ZNF532: variants seen among roughly 807,000 people sequenced by gnomAD.
ZNF532 encodes zinc finger protein 532.
A neutral mutation model predicts 89.3 loss-of-function variants in ZNF532; 22 were observed. The ratio of observed to expected loss-of-function variants is 0.25; its 90% CI spans 0.18 to 0.35. ZNF532 has a LOEUF of 0.35. Ranked by LOEUF, ZNF532 falls within the 10% of genes least tolerant of loss-of-function variation. The pLI, the probability that ZNF532 is intolerant of heterozygous loss-of-function variation, is 1.00. For missense variants in ZNF532, 1,132 were observed against 1,643.4 expected (o/e 0.69, Z 5.38); for synonymous variants, 606 against 649.6 (o/e 0.93, Z 1.02).
At chr18:58,955,118 ATGGTGGC>A (rs1568415356) in intron 7 of ZNF532, among the ~76,000 whole-genome samples, 1 of 152,188 alleles carries the variant, frequency 6.6e-6, no homozygotes. Flanking sequence ...TCAGCTGGGC[ATGGTGGC>A]TCATGCCTAT....
At chr18:58,944,848 G>A (rs1463133301) in intron 5 of ZNF532, among the ~76,000 whole-genome samples, 1 of 152,142 alleles carries the variant, frequency 6.6e-6, no homozygotes, top group Non-Finnish European at 1.5e-5. Flanking sequence ...CAGATTCCTC[G>A]GTTGTTAGCG....
chr18:58,983,279 G>A (rs1036407742), intron 9 of ZNF532, among the ~76,000 whole-genome samples: 2 of 152,146 alleles, frequency 1.3e-5, no homozygotes, highest in Non-Finnish European at 2.9e-5. Context: ...GACGCAGTAG[G>A]GGAAATGGTG....
At chr18:58,914,464 G>T (rs1311189193) in intron 2 of ZNF532, among the ~76,000 whole-genome samples, 2 of 152,190 alleles carry the variant, frequency 1.3e-5, no homozygotes, top group African/African-American at 4.8e-5. Flanking sequence ...GGCGGATCAC[G>T]AGGTCAGGAG....
At chr18:58,942,583 G>C (rs1243003748) in intron 5 of ZNF532, among the ~76,000 whole-genome samples, 1 of 152,104 alleles carries the variant, frequency 6.6e-6, no homozygotes, top group Non-Finnish European at 1.5e-5. Flanking sequence ...CTGTGGCAAT[G>C]ACGGCTGCTG....
chr18:58,957,650 T>C (rs1018360101), intron 7 of ZNF532, among the ~76,000 whole-genome samples: 2 of 152,126 alleles, frequency 1.3e-5, no homozygotes, highest in Non-Finnish European at 2.9e-5. Flanking sequence ...TTTGGTTTCA[T>C]TAATTGTTTT....
At chr18:58,964,849 C>T (rs1028296137) in intron 7 of ZNF532, among the ~76,000 whole-genome samples, 22 of 151,644 alleles carry the variant, frequency 1.5e-4, no homozygotes, top group African/African-American at 5.3e-4. Context: ...TCAAGTGATC[C>T]TCCAGCCTTG....
rs777310864 is a variant in ZNF532 at position 58,919,331 on chromosome 18, G to A, written c.1044G>A (p.Pro348=). ...ISSENSSKGS[P]SSPAGSTPAI... The stretch of plus-strand genomic sequence containing the variant: ...GTGAGAACAGCAGCAAAGGATCCCC[G>A]TCCTCTCCCGCAGGGTCCACACCAG... Residue 348 remains proline, a synonymous_variant, in exon 3 of 10, where the codon CCG becomes CCA. Coordinates refer to ENST00000591808, the MANE Select transcript of ZNF532 (RefSeq NM_001375912.1). The surrounding 1 kb of genome is among the most constrained non-coding windows in gnomAD (Gnocchi z 6.1). The A allele has an allele frequency of 6.8e-6, 11 of 1,613,992 alleles. No homozygotes were observed. The highest frequency in any genetic ancestry group is 6.7e-5 in the African/African-American group (5 of 74,900).
chr18:58,966,042 G>A (rs2065887513), intron 7 of ZNF532, among the ~76,000 whole-genome samples: 1 of 152,162 alleles, frequency 6.6e-6, no homozygotes, highest in Admixed American at 6.5e-5. Flanking sequence ...AAGTGGGTAG[G>A]ACCTGGGTAG....
At chr18:58,906,749 C>T (rs564700459) in intron 2 of ZNF532, among the ~76,000 whole-genome samples, 1 of 152,260 alleles carries the variant, frequency 6.6e-6, no homozygotes, top group Admixed American at 6.5e-5. Flanking sequence ...CAAGCTAATA[C>T]AAAATTATTA....
intron 5 of ZNF532, 83 bp from the exon 6 acceptor site, chr18:58,947,984 C>T: frequency 1.5e-5 from 20 of 1,378,360 alleles, no homozygotes; most frequent in Non-Finnish European, 1.8e-5. Context: ...CCTCTGCCTC[C>T]CAAGTTCTTC....
At chr18:58,874,889 T>TG (rs973877471) in intron 2 of ZNF532, among the ~76,000 whole-genome samples, 14 of 152,310 alleles carry the variant, frequency 9.2e-5, no homozygotes, top group African/African-American at 3.4e-4. Flanking sequence ...CACTGGGATT[T>TG]GGGGGTGATA....
intron 5 of ZNF532, among the ~76,000 whole-genome samples, chr18:58,943,412 G>T (rs368419769): frequency 6.7e-6 from 1 of 149,518 alleles, no homozygotes; most frequent in African/African-American, 2.5e-5. Context: ...CACCCACCTC[G>T]GCTTCCCAAA....
intron 2 of ZNF532, among the ~76,000 whole-genome samples, chr18:58,868,505 A>G (rs904017374): frequency 6.6e-6 from 1 of 152,008 alleles, no homozygotes; most frequent in Admixed American, 6.6e-5. Context: ...CCTGGCATCC[A>G]CTGTCTCACT....
chr18:58,947,324 A>T (rs2063752653), intron 5 of ZNF532, among the ~76,000 whole-genome samples: 1 of 152,060 alleles, frequency 6.6e-6, no homozygotes, highest in Admixed American at 6.5e-5. Flanking sequence ...TTCAGTAGAG[A>T]GTGTGGATGG....
chr18:58,956,646 T>C (rs1313461712), intron 7 of ZNF532, among the ~76,000 whole-genome samples: 1 of 152,194 alleles, frequency 6.6e-6, no homozygotes, highest in East Asian at 1.9e-4. Context: ...TGTCTATATC[T>C]TTCCTTCCCA....
At chr18:58,917,660 A>C (rs1397488055) in intron 2 of ZNF532, among the ~76,000 whole-genome samples, 1 of 151,946 alleles carries the variant, frequency 6.6e-6, no homozygotes, top group Non-Finnish European at 1.5e-5. Flanking sequence ...CATAATAGGG[A>C]AAATTAGGGT....
chr18:58,888,867 T>A (rs58746171), intron 2 of ZNF532, among the ~76,000 whole-genome samples: 3,024 of 44,832 alleles, frequency 0.067, 365 homozygotes, highest in East Asian at 0.34. Context: ...TATATATATA[T>A]AATATATATT....
chr18:58,897,516 C>T (rs1466476693), intron 2 of ZNF532, among the ~76,000 whole-genome samples: 4 of 152,150 alleles, frequency 2.6e-5, no homozygotes. Flanking sequence ...TTTGAGAATG[C>T]ACTAAATGCA....
intron 5 of ZNF532, among the ~76,000 whole-genome samples, chr18:58,944,654 G>A (rs564829939): frequency 6.6e-6 from 1 of 152,064 alleles, no homozygotes; most frequent in South Asian, 2.1e-4. Flanking sequence ...TCTCCCTGGG[G>A]ATTTTCCATT....
Sources: allele counts gnomAD v4.1 joint callset (sites outside exome capture counted in the v4.1 genomes callset), GRCh38; gene constraint gnomAD v4.1.1; non-coding constraint Gnocchi (gnomAD v3.1); transcripts MANE v1.5; gene names NCBI Gene and HGNC (gene_info 2026-07-23, HGNC 2026-07-21).